ACIN1: variants seen among roughly 807,000 people sequenced by gnomAD.
The protein encoded by ACIN1 is apoptotic chromatin condensation inducer 1, also known as apoptotic chromatin condensation inducer in the nucleus.
A neutral mutation model predicts 146.6 loss-of-function variants in ACIN1; 16 were observed. That is an observed-to-expected ratio of 0.11 (90% confidence interval 0.07 to 0.17). The LOEUF (loss-of-function observed/expected upper bound fraction) is 0.17. Among genes scored for constraint, ACIN1 ranks in the 10% least tolerant of loss-of-function variants. The pLI, the probability that ACIN1 is intolerant of heterozygous loss-of-function variation, is 1.00. For missense variants in ACIN1, 1,357 were observed against 1,609.3 expected, an observed-to-expected ratio of 0.84 and a Z score of 2.68; for synonymous variants, 569 against 582.7, an observed-to-expected ratio of 0.98 and a Z score of 0.34.
chr14:23,089,567 G>A lies in ACIN1; in HGVS notation c.436+415C>T, dbSNP rs987535451. On this transcript the variant is annotated intron_variant, in intron 4 of 18. Transcript: ENST00000605057. Reference sequence around the variant, plus strand: ...TGTTTCTTTCTTTACTATATTCCTCGTGCCTAGCATGTGCCTGGTATACAA... The same window carrying A: ...TGTTTCTTTCTTTACTATATTCCTCATGCCTAGCATGTGCCTGGTATACAA... Among the ~76,000 whole-genome samples, 5 of 152,108 alleles carry A rather than the reference G, an allele frequency of 3.3e-5. No individual in the cohort carries two copies. The East Asian group carries it at 9.7e-4, about 29-fold the overall frequency.
chr14:23,073,767 TAA>T (rs2047726054), intron 8 of ACIN1, among the ~76,000 whole-genome samples: 1 of 152,158 alleles, frequency 6.6e-6, no homozygotes, highest in African/African-American at 2.4e-5. Flanking sequence ...TCCACTGTCC[TAA>T]AATACTCTCA....
At chr14:23,072,587 T>C (rs1362781627) in intron 8 of ACIN1, among the ~76,000 whole-genome samples, 1 of 152,228 alleles carries the variant, frequency 6.6e-6, no homozygotes, top group East Asian at 1.9e-4. Flanking sequence ...AAAATGCTTA[T>C]TTGTTGACTG....
Position 23,064,202 on chromosome 14 carries a change from T to C in ACIN1, c.2498A>G (p.His833Arg). Residue 833 changes from histidine to arginine, a missense_variant, in exon 12 of 19, where the codon CAT becomes CGT. Physicochemically the swap from His to Arg is conservative, Grantham distance 29. Transcript: ENST00000605057. ...CTCAGAGATGCGAGAGTCATCAGCA[T>C]GAAGATCCACAACAGCCTCCTGCCC... ...LAGQEAVVDL[H>R]ADDSRISEDE... is the part of the protein sequence containing the mutation. 1 of 1,614,166 alleles carries C rather than the reference T, an allele frequency of 6.2e-7. No individual in the cohort carries two copies.
chr14:23,067,261 A>G lies in ACIN1; in HGVS notation c.2266-1253T>C. 1.0e-6 allele frequency: 1 copy of G among 965,168 alleles called. No homozygotes were observed. The highest frequency in any genetic ancestry group is 1.2e-6 in the Non-Finnish European group (1 of 811,318). The allele number at this position is 965,168 out of a possible 1,614,324, so 59.8% of individuals were successfully genotyped here. On this transcript the variant is annotated intron_variant, in intron 9 of 18. Transcript: ENST00000605057. The surrounding 1 kb of genome is among the most constrained non-coding windows in gnomAD (Gnocchi z 4.6). ...AATATTAAAAAAAGAAGAAGAAAAT[A>G]AAGAAGAAAATAAACTAGGAATATG...
Position 23,078,847 on chromosome 14 carries a change from A to C in ACIN1, c.1980T>G (p.His660Gln). 1.2e-6 allele frequency: 2 copies of C among 1,613,194 alleles called. No individual in the cohort carries two copies. The highest frequency in any genetic ancestry group is 1.7e-6 in the Non-Finnish European group (2 of 1,180,032). The part of the protein sequence containing the change: ...RLSQPESAEK[H>Q]VTQRLQPERG... ...GCTCAGGCTGTAACCTCTGGGTCAC[A>C]TGCTTTTCAGCTGATTCAGGCTGAC... Residue 660 changes from histidine to glutamine, a missense_variant, in exon 7 of 19, where the codon CAT becomes CAG. Transcript: ENST00000605057.
chr14:23,095,337 C>T (rs2048351260), upstream of ACIN1: 2 of 1,548,000 alleles, frequency 1.3e-6, no homozygotes, highest in Non-Finnish European at 1.8e-6. Context: ...TTTTCTCGCC[C>T]TGCTTTCAGG....
chr14:23,068,725 C>A lies in ACIN1; in HGVS notation c.2265+751G>T, dbSNP rs1201738359. 1 of 985,614 alleles carries A rather than the reference C, an allele frequency of 1.0e-6. No homozygotes were observed. The allele number at this position is 985,614 out of a possible 1,614,324, so 61.1% of individuals were successfully genotyped here. ...ACCTTGTAATAAATAATATTCTGCA[C>A]ATCAAATCACTTTCACCGGCCCCCA... On this transcript the variant is annotated intron_variant, in intron 9 of 18. Coordinates refer to ENST00000605057, the MANE Select transcript of ACIN1 (RefSeq NM_001386863.1). This position sits in a 1 kb window ranked among gnomAD's most constrained non-coding sequence, Gnocchi z 4.3.
chr14:23,069,695 T>C, intron 8 of ACIN1, 78 bp from the exon 9 acceptor site: 1 of 1,414,658 alleles, frequency 7.1e-7, no homozygotes, highest in Non-Finnish European at 9.7e-7. Flanking sequence ...TGTTAGTTAC[T>C]GGGTCAGGAA....
At position 23,064,402 on chromosome 14, in the gene ACIN1, T is replaced by C; in HGVS notation, c.2395A>G (p.Thr799Ala). 6.2e-7 allele frequency: 1 copy of C among 1,614,280 alleles called. No homozygotes were observed. The highest frequency in any genetic ancestry group is 1.3e-5 in the African/African-American group (1 of 75,070). ...RKRRWGASTA[T>A]TQKKPSISIT... ...CTGATGGAAGGTTTCTTCTGTGTGG[T>C]GGCTGTGCTGGCTCCCCAGCGTCGT... Residue 799 changes from threonine to alanine, a missense_variant, in exon 11 of 19, where the codon ACC (threonine) becomes GCC (alanine). Thr to Ala is a moderately conservative substitution (Grantham distance 58). Around this residue, in one of 4 missense-constraint regions of ACIN1, gnomAD observed 509 missense variants for 719.6 expected, o/e 0.71. Coordinates refer to ENST00000605057, the MANE Select transcript of ACIN1 (RefSeq NM_001386863.1).
intron 4 of ACIN1, among the ~76,000 whole-genome samples, chr14:23,089,559 T>C (rs1043265438): frequency 1.3e-5 from 2 of 152,184 alleles, no homozygotes; most frequent in African/African-American, 4.8e-5. Context: ...TTCTTTACTA[T>C]ATTCCTCGTG....
At position 23,081,906 on chromosome 14, in the gene ACIN1, G is replaced by A. The variant is rs574231117; in HGVS notation, c.437-70C>T. 4.7e-6 allele frequency: 6 copies of A among 1,285,590 alleles called. No homozygotes were observed. The East Asian group carries it at 9.3e-5, about 20-fold the overall frequency. The allele number at this position is 1,285,590 out of a possible 1,614,324, so 79.6% of individuals were successfully genotyped here. On this transcript the variant is annotated intron_variant, in intron 4 of 18. Transcript: ENST00000605057. ...TCATTCATGGCTTTTTAAAAATCAG[G>A]CTTTCTAATATCCAACCAATTATAG...
At chr14:23,078,090 G>T in intron 8 of ACIN1, 61 bp downstream of exon 8, 1 of 1,481,260 alleles carries the variant, frequency 6.8e-7, no homozygotes, top group Non-Finnish European at 9.4e-7. Flanking sequence ...ACCCTAGGGA[G>T]CGAAGAACTA....
Position 23,080,480 on chromosome 14 carries a change from G to C in ACIN1, c.855C>G (p.Ser285=). ...GATGACTTTTTCTAGCCTCTTCCTG[G>C]GATCTTGTAAATCTCCCTCCTCTCT... ...VLERGGRFTR[S]QEEARKSHLA... Residue 285 remains serine (S), a synonymous_variant, in exon 6 of 19, where the codon TCC becomes TCG. Transcript: ENST00000605057. The C allele has an allele frequency of 6.2e-7, 1 of 1,613,860 alleles. No homozygotes were observed. The highest frequency in any genetic ancestry group is 2.2e-5 in the East Asian group (1 of 44,872).
In ACIN1 at chr14:23,063,627, A is replaced by G. The variant is rs750263402; in HGVS notation, c.2596-50T>C. ...CAGGTCTGTTAAACACCAAACTGGCATATTCTTTTCAGCCTCTGGTTCCCC... is the reference window on the plus strand; with the variant it reads ...CAGGTCTGTTAAACACCAAACTGGCGTATTCTTTTCAGCCTCTGGTTCCCC... On this transcript the variant is annotated intron_variant, in intron 12 of 18. Coordinates refer to ENST00000605057, the MANE Select transcript of ACIN1 (RefSeq NM_001386863.1). 2.5e-6 allele frequency: 4 copies of G among 1,609,180 alleles called. No individual in the cohort carries two copies. The Admixed American group carries it at 5.0e-5, about 20-fold the overall frequency.
At chr14:23,090,695 A>G in intron 2 of ACIN1, 62 bp from the exon 3 acceptor site, 2 of 1,328,780 alleles carry the variant, frequency 1.5e-6, no homozygotes. Flanking sequence ...GCAAAGAAGA[A>G]CATTCCATGG....
Position 23,079,972 on chromosome 14 carries a change from A to G in ACIN1, c.1363T>C (p.Ser455Pro), listed in dbSNP as rs777208190. ...TCAGGTTCAAGATCCTTCTGGGCTG[A>G]GTAGTCAGCCAGTGTGCTTTTCTGA... is the stretch of plus-strand genomic sequence containing the variant. ...LVQKSTLADY[S>P]AQKDLEPESD... Residue 455 changes from serine to proline, a missense_variant, in exon 6 of 19, where the codon TCA becomes CCA. This residue lies in a region of ACIN1 where 771 missense variants were observed against 746.6 expected (regional missense o/e 1.03). Transcript: ENST00000605057. 1.9e-6 allele frequency: 3 copies of G among 1,613,974 alleles called. No individual in the cohort carries two copies. The highest frequency in any genetic ancestry group is 2.5e-6 in the Non-Finnish European group (3 of 1,180,044).
rs1566759185 is a variant in ACIN1 at position 23,090,571 on chromosome 14, T to C, written c.267A>G (p.Leu89=). The change falls in exon 3 of 19, where the codon CTA becomes CTG. Residue 89 remains leucine (L), a synonymous_variant. Transcript: ENST00000605057. ...IKQYLEKQQE[L]LRQRLEREAR... ...CTTCACGTTCCAGACGCTGCCTAAG[T>C]AGCTCCTGCTGCTTTTCCAGATACT... The C allele has an allele frequency of 1.9e-6, 3 of 1,614,114 alleles. No individual in the cohort carries two copies. The highest frequency in any genetic ancestry group is 1.7e-4 in the Middle Eastern group (1 of 6,048).
intron 1 of ACIN1, chr14:23,094,493 C>T (rs1321987749): frequency 1.0e-6 from 1 of 985,282 alleles, no homozygotes; most frequent in Non-Finnish European, 1.2e-6. Context: ...TTCATCTCAC[C>T]TCCTCATCTA....
At chr14:23,069,644 G>GGGGT in intron 8 of ACIN1, 27 bp from the exon 9 acceptor site, 1 of 1,157,694 alleles carries the variant, frequency 8.6e-7, no homozygotes, top group African/African-American at 1.5e-5. Flanking sequence ...GTGGTGGTGG[G>GGGGT]GGGGCGGGCA....
Sources: allele counts gnomAD v4.1 joint callset (sites outside exome capture counted in the v4.1 genomes callset), GRCh38; gene constraint gnomAD v4.1.1; regional missense constraint gnomAD v4.1.1; non-coding constraint Gnocchi (gnomAD v3.1); transcripts MANE v1.5; gene names NCBI Gene and HGNC (gene_info 2026-07-23, HGNC 2026-07-21).